The following MRPL3 variants were observed in gnomAD, a reference collection of about 807,000 sequenced individuals.
The protein encoded by MRPL3 is large ribosomal subunit protein uL3m.
A neutral mutation model predicts 44.3 loss-of-function variants in MRPL3; 43 were observed. The observed-to-expected ratio is 0.97, with a 90% CI of 0.76 to 1.25. MRPL3 has a LOEUF of 1.25. Ranked by LOEUF, MRPL3 falls within the 50% of genes most tolerant of loss-of-function variation. The pLI is 0.00. For missense variants in MRPL3, 406 were observed against 427.6 expected, an observed-to-expected ratio of 0.95 and a Z score of 0.45; for synonymous variants, 171 against 152.3, an observed-to-expected ratio of 1.12 and a Z score of -0.91.
chr3:131,474,182 T>C (rs1933802153), intron 6 of MRPL3, among the ~76,000 whole-genome samples: 1 of 152,168 alleles, frequency 6.6e-6, no homozygotes, highest in African/African-American at 2.4e-5. Flanking sequence ...AAAGGAAATG[T>C]GGCACATATA....
chr3:131,474,649 C>T (rs1169781243), intron 6 of MRPL3, among the ~76,000 whole-genome samples: 1 of 151,930 alleles, frequency 6.6e-6, no homozygotes, highest in East Asian at 1.9e-4. Flanking sequence ...CAACTTGTAC[C>T]CCATAAATAC....
chr3:131,490,678 T>G (rs917019360), intron 4 of MRPL3, among the ~76,000 whole-genome samples: 1 of 152,252 alleles, frequency 6.6e-6, no homozygotes, highest in African/African-American at 2.4e-5. Flanking sequence ...AACTTCTCCA[T>G]GCTTTTACCA....
chr3:131,471,319 G>T, intron 6 of MRPL3, 40 bp from the exon 7 acceptor site: 1 of 1,358,604 alleles, frequency 7.4e-7, no homozygotes, highest in Non-Finnish European at 1.1e-6. Context: ...AATGAAAAGA[G>T]CATAGACCAT....
chr3:131,462,856 G>A lies in MRPL3; in HGVS notation c.914C>T (p.Pro305Leu). 6 of 1,610,570 alleles carry A rather than the reference G, an allele frequency of 3.7e-6. No homozygotes were observed. The highest frequency in any genetic ancestry group is 5.1e-6 in the Non-Finnish European group (6 of 1,177,880). Residue 305 changes from proline to leucine, a missense_variant, in exon 10 of 10, where the codon CCT becomes CTT. Coordinates refer to ENST00000264995, the MANE Select transcript of MRPL3 (RefSeq NM_007208.4). Reference sequence around the variant, plus strand: ...ATTTTTACCGAGATCCTTATATGCAGGCAGTTTAGAATCTTTGACCTGAGA... The same window carrying A: ...ATTTTTACCGAGATCCTTATATGCAAGCAGTTTAGAATCTTTGACCTGAGA... ...CLVKVKDSKL[P>L]AYKDLGKNLP...
At chr3:131,477,424 A>C (rs1933878013) in intron 6 of MRPL3, among the ~76,000 whole-genome samples, 1 of 152,150 alleles carries the variant, frequency 6.6e-6, no homozygotes. Context: ...TCTGCAATCC[A>C]TCTTCCTCTC....
intron 4 of MRPL3, among the ~76,000 whole-genome samples, chr3:131,492,810 C>A (rs188960419): frequency 1.2e-4 from 18 of 152,254 alleles, no homozygotes; most frequent in Admixed American, 3.9e-4. Context: ...CCTGGTAGAA[C>A]CTGCTGTCTG....
intron 4 of MRPL3, among the ~76,000 whole-genome samples, chr3:131,490,664 A>G (rs73870979): frequency 0.012 from 1,754 of 152,338 alleles, 51 homozygotes; most frequent in African/African-American, 0.039. Context: ...AAAAGAATTA[A>G]GAGAACTTCT....
intron 5 of MRPL3, 48 bp downstream of exon 5, chr3:131,489,932 TG>T: frequency 8.8e-7 from 1 of 1,139,454 alleles, no homozygotes; most frequent in Non-Finnish European, 1.3e-6. Flanking sequence ...TTAAACAAAT[TG>T]CATATTTGGG....
intron 3 of MRPL3, among the ~76,000 whole-genome samples, chr3:131,499,679 G>A (rs752277463): frequency 6.6e-6 from 1 of 152,010 alleles, no homozygotes; most frequent in Non-Finnish European, 1.5e-5. Flanking sequence ...AAGATCAACT[G>A]AGTTGTTCAA....
At chr3:131,482,914 C>A (rs960467777) in intron 6 of MRPL3, among the ~76,000 whole-genome samples, 7 of 152,004 alleles carry the variant, frequency 4.6e-5, no homozygotes, top group Non-Finnish European at 1.0e-4. Context: ...CAGGCAGATA[C>A]CTAACACTGC....
At chr3:131,500,203 T>C (rs977315690) in intron 3 of MRPL3, among the ~76,000 whole-genome samples, 1 of 152,320 alleles carries the variant, frequency 6.6e-6, no homozygotes, top group African/African-American at 2.4e-5. Flanking sequence ...AAAAAAAAAT[T>C]CATTGCTCCA....
At chr3:131,467,413 T>C (rs922230515) in intron 9 of MRPL3, among the ~76,000 whole-genome samples, 1 of 152,116 alleles carries the variant, frequency 6.6e-6, no homozygotes, top group Non-Finnish European at 1.5e-5. Flanking sequence ...AAGATCTTTC[T>C]GCTTACTGGC....
At chr3:131,501,481 A>G (rs1289911364) in intron 2 of MRPL3, 50 bp downstream of exon 2, 1 of 1,417,042 alleles carries the variant, frequency 7.1e-7, no homozygotes, top group Middle Eastern at 2.5e-4. Context: ...AAATGTGTCC[A>G]GCCACACAGT....
At chr3:131,501,392 C>G in intron 2 of MRPL3, 139 bp downstream of exon 2, 1 of 788,516 alleles carries the variant, frequency 1.3e-6, no homozygotes. Flanking sequence ...ACATGCAAAA[C>G]AAACCACAAT....
chr3:131,481,095 G>C (rs1484398338), intron 6 of MRPL3, among the ~76,000 whole-genome samples: 1 of 152,154 alleles, frequency 6.6e-6, no homozygotes, highest in Non-Finnish European at 1.5e-5. Flanking sequence ...AAATCGGAGA[G>C]GTATGAAGCC....
chr3:131,473,525 G>A (rs1198723287), intron 6 of MRPL3, among the ~76,000 whole-genome samples: 2 of 151,756 alleles, frequency 1.3e-5, no homozygotes, highest in Non-Finnish European at 2.9e-5. Context: ...AAAAGCACAG[G>A]CAACAAAAGA....
chr3:131,474,288 G>A lies in MRPL3; in HGVS notation c.630-3009C>T, dbSNP rs183371443. Among the ~76,000 whole-genome samples, 33 of 152,208 alleles carry A rather than the reference G, an allele frequency of 2.2e-4. No individual in the cohort carries two copies. The East Asian group carries it at 6.0e-3, about 28-fold the overall frequency. On this transcript the variant is annotated intron_variant, in intron 6 of 9. Coordinates refer to ENST00000264995, the MANE Select transcript of MRPL3 (RefSeq NM_007208.4). Reference sequence around the variant, plus strand: ...ACATTATGTTAAGTGAAATATACCAGACACAGAAAGACAAATAATGTATGA... The same window carrying A: ...ACATTATGTTAAGTGAAATATACCAAACACAGAAAGACAAATAATGTATGA...
intron 9 of MRPL3, among the ~76,000 whole-genome samples, chr3:131,466,501 A>T (rs1933604432): frequency 6.6e-6 from 1 of 152,158 alleles, no homozygotes; most frequent in East Asian, 1.9e-4. Flanking sequence ...CTATCGGTAC[A>T]AATTTTTTAC....
At chr3:131,471,568 A>G (rs890003467) in intron 6 of MRPL3, among the ~76,000 whole-genome samples, 45 of 152,194 alleles carry the variant, frequency 3.0e-4, no homozygotes, top group African/African-American at 1.1e-3. Flanking sequence ...GAGTTTTATC[A>G]TCCTAATTCT....
Sources: gnomAD v4.1 joint callset for allele counts (sites outside exome capture counted in the v4.1 genomes callset) on GRCh38, gnomAD v4.1.1 for gene constraint, MANE v1.5 for transcripts, NCBI Gene and HGNC (gene_info 2026-07-23, HGNC 2026-07-21) for gene names.